The following EVI5 variants were observed in gnomAD, a reference collection of about 807,000 sequenced individuals.
EVI5 encodes ecotropic viral integration site 5.
EVI5 carries 73 observed loss-of-function variants against 112.0 expected under a neutral mutation model. The ratio of observed to expected loss-of-function variants is 0.65; its 90% CI spans 0.54 to 0.79. EVI5 has a LOEUF of 0.79. Ranked by LOEUF, EVI5 falls within the 30% of genes least tolerant of loss-of-function variation. The probability of loss-of-function intolerance (pLI) is 0.00; values close to 1 mark genes in which losing one functional copy is unlikely to be tolerated. For synonymous variants in EVI5, 305 were observed against 319.9 expected, an observed-to-expected ratio of 0.95 and a Z score of 0.50; for missense variants, 900 against 968.8, an observed-to-expected ratio of 0.93 and a Z score of 0.94.
intron 2 of EVI5, among the ~76,000 whole-genome samples, chr1:92,735,658 A>ATATGACATATATCATAAT (rs1553259887): frequency 8.4e-5 from 12 of 142,564 alleles, no homozygotes; most frequent in African/African-American, 2.6e-4. Context: ...ATATAATTAT[A>ATATGACATATATCATAAT]TAATTCAACA....
At chr1:92,653,699 CT>C (rs1330525866) in intron 13 of EVI5, among the ~76,000 whole-genome samples, 1 of 152,228 alleles carries the variant, frequency 6.6e-6, no homozygotes, top group African/African-American at 2.4e-5. Context: ...GTGGGACCCC[CT>C]CCCCCTCTCC....
At chr1:92,529,865 T>C (rs1285115068) in intron 19 of EVI5, among the ~76,000 whole-genome samples, 1 of 152,234 alleles carries the variant, frequency 6.6e-6, no homozygotes, top group East Asian at 1.9e-4. Context: ...AATGGGCATA[T>C]TTTCATAAAT....
intron 9 of EVI5, among the ~76,000 whole-genome samples, chr1:92,680,680 A>G (rs970236499): frequency 6.6e-6 from 1 of 152,240 alleles, no homozygotes; most frequent in Non-Finnish European, 1.5e-5. Flanking sequence ...CCCAGCAAAC[A>G]TCACCTTAAT....
At chr1:92,586,546 A>T (rs1672813052) in intron 18 of EVI5, among the ~76,000 whole-genome samples, 1 of 138,946 alleles carries the variant, frequency 7.2e-6, no homozygotes, top group Non-Finnish European at 1.5e-5. Context: ...GAACTCTTTC[A>T]GTTGGCTCCT....
chr1:92,544,868 A>T lies in EVI5; in HGVS notation c.2166+18774T>A, dbSNP rs533277733. On this transcript the variant is annotated intron_variant, in intron 19 of 19. Coordinates refer to ENST00000684568, the MANE Select transcript of EVI5 (RefSeq NM_001350197.2). ...CAAACCACATGACCTCATGAATGCT[A>T]TCTTATCATATCACAGGTTCCTCAG... is the stretch of plus-strand genomic sequence containing the variant. Among the ~76,000 whole-genome samples, 34 of 152,308 alleles carry T rather than the reference A, an allele frequency of 2.2e-4. No individual in the cohort carries two copies. In the South Asian group the frequency reaches 4.1e-3, roughly 19 times the overall value.
At chr1:92,691,892 A>C (rs1669558834) in intron 9 of EVI5, among the ~76,000 whole-genome samples, 1 of 152,226 alleles carries the variant, frequency 6.6e-6, no homozygotes, top group Non-Finnish European at 1.5e-5. Context: ...TACATATAGC[A>C]AAAAGGGGAT....
intron 9 of EVI5, among the ~76,000 whole-genome samples, chr1:92,681,738 G>A (rs898353589): frequency 3.9e-5 from 6 of 152,160 alleles, no homozygotes; most frequent in Non-Finnish European, 7.3e-5. Context: ...TGACGAAAAC[G>A]TGCTAGATCT....
At chr1:92,570,941 TA>T (rs1388259172) in intron 18 of EVI5, among the ~76,000 whole-genome samples, 1 of 152,124 alleles carries the variant, frequency 6.6e-6, no homozygotes, top group African/African-American at 2.4e-5. Context: ...AACTTTATGA[TA>T]AAACAGATGG....
chr1:92,663,452 C>A lies in EVI5; in HGVS notation c.1213G>T (p.Glu405Ter). 2 of 1,404,766 alleles carry A rather than the reference C, an allele frequency of 1.4e-6. No individual in the cohort carries two copies. The highest frequency in any genetic ancestry group is 2.3e-5 in the Admixed American group (1 of 42,706). 87.0% of individuals were successfully genotyped at this position (1,404,766 alleles called of 1,614,324 possible). ...AATCTATCTGCCAAGGAAGCACTTTCCTACAAAAGGAAAAATTCAGATAGA... is the reference window on the plus strand; with the variant it reads ...AATCTATCTGCCAAGGAAGCACTTTACTACAAAAGGAAAAATTCAGATAGA... ...LKQRIETLEKESASLADRLIQ... is the reference protein window; with the variant it reads ...LKQRIETLEK Residue 405 changes from glutamate to a stop codon, truncating the protein, a stop_gained and splice_region_variant, in exon 12 of 20, where the codon GAA becomes TAA. Coordinates refer to ENST00000684568, the MANE Select transcript of EVI5 (RefSeq NM_001350197.2). LOFTEE classifies it high-confidence loss of function.
intron 1 of EVI5, among the ~76,000 whole-genome samples, chr1:92,741,700 G>C (rs1289438809): frequency 6.6e-6 from 1 of 151,966 alleles, no homozygotes; most frequent in East Asian, 1.9e-4. Context: ...TATTTTTTAG[G>C]ACTTTTCACA....
rs920544303 is a variant in EVI5 at position 92,510,475 on chromosome 1, T to A, written c.*3181A>T. On this transcript the variant is annotated 3_prime_UTR_variant, in exon 20 of 20. Transcript: ENST00000684568. ...ATAGTTCTGATTATAATATCCACCA[T>A]GAAATTTTACGTTTCCAAATCATAA... 1.3e-5 allele frequency: 2 copies of A among 152,226 alleles called. No homozygotes were observed. The highest frequency in any genetic ancestry group is 4.8e-5 in the African/African-American group (2 of 41,472). The allele number at this position is 152,226 out of a possible 1,614,324, so 9.4% of individuals were successfully genotyped here.
chr1:92,509,518 G>C lies in EVI5; in HGVS notation c.*4138C>G, dbSNP rs1374581028. 6.6e-6 allele frequency: 1 copy of C among 151,264 alleles called. No homozygotes were observed. Among genetic ancestry groups the C allele is most frequent in the African/African-American group, 2.4e-5 (1 of 41,064 alleles). The allele number at this position is 151,264 out of a possible 1,614,324, so 9.4% of individuals were successfully genotyped here. On this transcript the variant is annotated 3_prime_UTR_variant, in exon 20 of 20. Transcript: ENST00000684568. ...ATTTTTTTTTTTTTTAAAGAGACAG[G>C]GTCTTGCCATGTTGCCCAGGTTGGA...
chr1:92,614,861 T>C (rs1164641654), intron 16 of EVI5, among the ~76,000 whole-genome samples: 2 of 8,360 alleles, frequency 2.4e-4, no homozygotes, highest in East Asian at 0.023. Context: ...TATATATATA[T>C]ATATATATAT....
chr1:92,526,182 C>T (rs1273832825), intron 19 of EVI5, among the ~76,000 whole-genome samples: 1 of 152,196 alleles, frequency 6.6e-6, no homozygotes, highest in East Asian at 1.9e-4. Flanking sequence ...CCTCAGCCTT[C>T]TGAGCAGCTG....
chr1:92,702,300 G>A (rs572652968), intron 4 of EVI5, 85 bp from the exon 5 acceptor site: 2 of 644,446 alleles, frequency 3.1e-6, no homozygotes, highest in Admixed American at 3.4e-5. Flanking sequence ...AAGACAGACA[G>A]ATTAAAAAAC....
chr1:92,754,741 A>G (rs1292815401), intron 1 of EVI5, among the ~76,000 whole-genome samples: 1 of 152,232 alleles, frequency 6.6e-6, no homozygotes, highest in Non-Finnish European at 1.5e-5. Flanking sequence ...TACATGATTT[A>G]GCTTCATAAG....
At chr1:92,546,203 T>C (rs995566176) in intron 19 of EVI5, among the ~76,000 whole-genome samples, 1 of 152,098 alleles carries the variant, frequency 6.6e-6, no homozygotes, top group Non-Finnish European at 1.5e-5. Flanking sequence ...CTAAAAGATG[T>C]TCAAATATTC....
chr1:92,770,236 T>C (rs1157562527), intron 1 of EVI5, among the ~76,000 whole-genome samples: 1 of 152,224 alleles, frequency 6.6e-6, no homozygotes, highest in Non-Finnish European at 1.5e-5. Flanking sequence ...TTTGTACTAA[T>C]TTGTTACAGC....
intron 18 of EVI5, among the ~76,000 whole-genome samples, chr1:92,590,037 G>T (rs1673534775): frequency 1.3e-5 from 2 of 152,172 alleles, no homozygotes; most frequent in Admixed American, 1.3e-4. Context: ...AACTCCAACA[G>T]ACCTGCAGCT....
Sources: gnomAD v4.1 joint callset for allele counts (sites outside exome capture counted in the v4.1 genomes callset) on GRCh38, gnomAD v4.1.1 for gene constraint, MANE v1.5 for transcripts, NCBI Gene and HGNC (gene_info 2026-07-23, HGNC 2026-07-21) for gene names.